Variants in ARHGAP10 observed in about 807,000 individuals in gnomAD.
ARHGAP10 encodes Rho GTPase activating protein 10.
ARHGAP10 carries 87 observed loss-of-function variants against 108.6 expected under a neutral mutation model. The observed-to-expected ratio is 0.80, with a 90% CI of 0.67 to 0.96. The LOEUF (loss-of-function observed/expected upper bound fraction) is 0.96. ARHGAP10 is among the 40% of genes least tolerant of loss of function. The probability of loss-of-function intolerance (pLI) is 0.00; values close to 1 mark genes in which losing one functional copy is unlikely to be tolerated. For missense variants in ARHGAP10, 939 were observed against 954.5 expected (o/e 0.98, Z 0.21); for synonymous variants, 347 against 341.1 (o/e 1.02, Z -0.19).
chr4:147,997,682 A>G (rs1400838476), intron 18 of ARHGAP10, among the ~76,000 whole-genome samples: 1 of 152,210 alleles, frequency 6.6e-6, no homozygotes, highest in African/African-American at 2.4e-5. Flanking sequence ...TGTCAGAATC[A>G]AAGAATAACT....
chr4:147,924,945 G>A (rs923042454), intron 13 of ARHGAP10, among the ~76,000 whole-genome samples: 6 of 151,820 alleles, frequency 4.0e-5, no homozygotes, highest in African/African-American at 1.5e-4. Flanking sequence ...ATTGATTTAA[G>A]GCTCTAGGAG....
intron 3 of ARHGAP10, among the ~76,000 whole-genome samples, chr4:147,837,649 T>TTTTTTTTTTTTTTTTTTTG (rs1464829511): frequency 0.012 from 1,623 of 131,986 alleles, 56 homozygotes; most frequent in East Asian, 0.023. Flanking sequence ...CACTGTTTTT[T>TTTTTTTTTTTTTTTTTTTG]TTTTTTTTTT....
intron 5 of ARHGAP10, chr4:147,858,065 C>G (rs1334207494): frequency 2.6e-5 from 4 of 152,204 alleles, no homozygotes; most frequent in Admixed American, 2.6e-4. Context: ...TTATTTAATG[C>G]TGAGGATTCA....
At chr4:147,880,068 G>C (rs577884458) in intron 9 of ARHGAP10, among the ~76,000 whole-genome samples, 17 of 152,292 alleles carry the variant, frequency 1.1e-4, no homozygotes, top group African/African-American at 4.1e-4. Flanking sequence ...ATGATAGTAA[G>C]AAAAGAGCAA....
chr4:148,016,249 A>T lies in ARHGAP10; in HGVS notation c.1717-7014A>T, dbSNP rs796342624. On this transcript the variant is annotated intron_variant, in intron 18 of 22. Coordinates refer to ENST00000336498, the MANE Select transcript of ARHGAP10 (RefSeq NM_024605.4). ...CTGGATGCAGTGACTCATACCTGTAATCCCAGTGCTTTGAGAGGCTGGGGT... is the reference window on the plus strand; with the variant it reads ...CTGGATGCAGTGACTCATACCTGTATTCCCAGTGCTTTGAGAGGCTGGGGT... 3.9e-5 allele frequency among the ~76,000 whole-genome samples: 6 copies of T among 152,304 alleles called. No homozygotes were observed. The East Asian group carries it at 9.6e-4, about 24-fold the overall frequency.
chr4:147,892,571 TG>T (rs1560812912), intron 10 of ARHGAP10, among the ~76,000 whole-genome samples: 1 of 151,658 alleles, frequency 6.6e-6, no homozygotes, highest in Non-Finnish European at 1.5e-5. Flanking sequence ...TTGAGCAGCA[TG>T]GGGGAGTGTG....
intron 1 of ARHGAP10, among the ~76,000 whole-genome samples, chr4:147,737,362 T>C (rs892655240): frequency 6.7e-6 from 1 of 148,958 alleles, no homozygotes; most frequent in Admixed American, 6.7e-5. Context: ...AGGGTTTCAC[T>C]GTGGTTGGTC....
intron 13 of ARHGAP10, among the ~76,000 whole-genome samples, chr4:147,938,807 G>A (rs571059644): frequency 3.3e-4 from 50 of 152,230 alleles, no homozygotes; most frequent in African/African-American, 9.4e-4. Flanking sequence ...CATTCGTAGC[G>A]GAGAAAATAA....
intron 10 of ARHGAP10, 151 bp from the exon 11 acceptor site, chr4:147,906,487 A>G (rs1465195943): frequency 3.0e-6 from 2 of 672,128 alleles, no homozygotes; most frequent in Non-Finnish European, 5.1e-6. Context: ...TGAACTCTAC[A>G]CTTAAAAATC....
chr4:147,760,782 G>A (rs1020425472), intron 1 of ARHGAP10, among the ~76,000 whole-genome samples: 2 of 152,080 alleles, frequency 1.3e-5, no homozygotes, highest in Non-Finnish European at 2.9e-5. Context: ...TTGAAGGGGG[G>A]CTATGTTAGT....
chr4:147,898,888 A>C (rs1180186983), intron 10 of ARHGAP10, among the ~76,000 whole-genome samples: 1 of 152,184 alleles, frequency 6.6e-6, no homozygotes, highest in African/African-American at 2.4e-5. Context: ...ATCTTGTGAG[A>C]ACTCAATCAC....
intron 5 of ARHGAP10, chr4:147,864,503 T>G (rs1029996201): frequency 4.3e-5 from 8 of 185,340 alleles, no homozygotes; most frequent in Admixed American, 4.2e-4. Context: ...TTGGGGTGAG[T>G]TTTTCAAGAA....
chr4:147,885,548 T>A (rs956643840), intron 10 of ARHGAP10, among the ~76,000 whole-genome samples: 9 of 152,304 alleles, frequency 5.9e-5, no homozygotes, highest in African/African-American at 2.2e-4. Context: ...AGCCAAACCA[T>A]ATCAGTCATG....
At position 147,824,887 on chromosome 4, in the gene ARHGAP10, TAA is replaced by T. The variant is rs1732642941; in HGVS notation, c.312+1931_312+1932del. Among the ~76,000 whole-genome samples, 10 of 152,318 alleles carry T rather than the reference TAA, an allele frequency of 6.6e-5. No individual in the cohort carries two copies. The South Asian group carries it at 2.1e-3, about 32-fold the overall frequency. On this transcript the variant is annotated intron_variant, in intron 3 of 22. Coordinates refer to ENST00000336498, the MANE Select transcript of ARHGAP10 (RefSeq NM_024605.4). Reference sequence around the variant, plus strand: ...CTGTTCTAAGCTGTTTACCTAATGCTAAGTCACTGAATTCTCACATCAACCCT... The same window carrying T: ...CTGTTCTAAGCTGTTTACCTAATGCTGTCACTGAATTCTCACATCAACCCT...
At chr4:147,887,018 A>C (rs1735596754) in intron 10 of ARHGAP10, among the ~76,000 whole-genome samples, 1 of 151,998 alleles carries the variant, frequency 6.6e-6, no homozygotes, top group Non-Finnish European at 1.5e-5. Flanking sequence ...CGGCCTCCCA[A>C]AGTGCTGGGA....
chr4:147,955,058 C>T (rs1738737326), intron 15 of ARHGAP10, among the ~76,000 whole-genome samples: 1 of 151,902 alleles, frequency 6.6e-6, no homozygotes. Context: ...AGCTACTTTC[C>T]GTGATTAGAT....
intron 1 of ARHGAP10, among the ~76,000 whole-genome samples, chr4:147,768,529 AT>A (rs1729925153): frequency 6.6e-6 from 1 of 152,078 alleles, no homozygotes; most frequent in African/African-American, 2.4e-5. Flanking sequence ...AAAGGTTGAG[AT>A]TTAATGAATT....
chr4:147,994,355 G>C (rs927673653), intron 18 of ARHGAP10, among the ~76,000 whole-genome samples: 13 of 152,186 alleles, frequency 8.5e-5, no homozygotes, highest in African/African-American at 3.1e-4. Context: ...GTGCCTGGCT[G>C]TGTGCACAAG....
intron 16 of ARHGAP10, among the ~76,000 whole-genome samples, chr4:147,958,851 C>T (rs1738883858): frequency 6.6e-6 from 1 of 152,186 alleles, no homozygotes; most frequent in African/African-American, 2.4e-5. Context: ...TTTTCAGTTT[C>T]TGTTAGTTGG....
Sources: gnomAD v4.1 joint callset for allele counts (sites outside exome capture counted in the v4.1 genomes callset) on GRCh38, gnomAD v4.1.1 for gene constraint, MANE v1.5 for transcripts, NCBI Gene and HGNC (gene_info 2026-07-23, HGNC 2026-07-21) for gene names.